TTC39B: variants seen among roughly 807,000 people sequenced by gnomAD.
The protein encoded by TTC39B is tetratricopeptide repeat domain 39B.
A neutral mutation model predicts 96.6 loss-of-function variants in TTC39B; 92 were observed. That is an observed-to-expected ratio of 0.95 (90% CI 0.80 to 1.13). The LOEUF is 1.13. Ranked by LOEUF, TTC39B falls within the 50% of genes most tolerant of loss-of-function variation. The pLI is 0.00. For synonymous variants in TTC39B, 367 were observed against 299.4 expected, an observed-to-expected ratio of 1.23 and a Z score of -2.33; for missense variants, 955 against 809.3, an observed-to-expected ratio of 1.18 and a Z score of -2.18.
chr9:15,180,836 C>T (rs1485858200), intron 17 of TTC39B, among the ~76,000 whole-genome samples: 1 of 152,148 alleles, frequency 6.6e-6, no homozygotes, highest in Non-Finnish European at 1.5e-5. Context: ...ATAAGTTTCA[C>T]ATGAAATATC....
At chr9:15,248,349 TTCTA>T (rs1269068330) in intron 2 of TTC39B, among the ~76,000 whole-genome samples, 1 of 152,194 alleles carries the variant, frequency 6.6e-6, no homozygotes, top group Non-Finnish European at 1.5e-5. Context: ...AGCTTAAGCA[TTCTA>T]GGGATCTGTA....
intron 6 of TTC39B, 22 bp downstream of exon 6, chr9:15,210,066 T>C (rs762927222): frequency 1.2e-5 from 18 of 1,539,826 alleles, no homozygotes; most frequent in South Asian, 8.3e-5. Flanking sequence ...AGGAAAAAAG[T>C]GATCTTTTAA....
At chr9:15,190,108 T>C (rs1039158879) in intron 11 of TTC39B, among the ~76,000 whole-genome samples, 6 of 151,190 alleles carry the variant, frequency 4.0e-5, no homozygotes, top group African/African-American at 1.5e-4. Flanking sequence ...AAAAATCTCA[T>C]ATATGATAAA....
chr9:15,272,448 G>C (rs936987368), intron 1 of TTC39B, among the ~76,000 whole-genome samples: 7 of 152,134 alleles, frequency 4.6e-5, no homozygotes, highest in African/African-American at 1.7e-4. Flanking sequence ...TAAGACAGGA[G>C]AGCTCACACT....
chr9:15,243,576 C>A (rs1822142666), intron 2 of TTC39B, among the ~76,000 whole-genome samples: 1 of 152,092 alleles, frequency 6.6e-6, no homozygotes, highest in African/African-American at 2.4e-5. Flanking sequence ...ACTCATAGTA[C>A]CTGGCTTTAA....
Position 15,172,090 on chromosome 9 carries a change from A to AGT in TTC39B, c.1976_1977dup (p.Ser660ThrfsTer48). ...CTGAAGTGTAGTCTGGACTCCAGGG[A>AGT]GTAATCTTTGTAGTTGTTCCTGAAG... is the stretch of plus-strand genomic sequence containing the variant. On this transcript the variant is annotated frameshift_variant, in exon 20 of 20. Transcript: ENST00000512701. LOFTEE classifies it high-confidence loss of function. The AGT allele has an allele frequency of 1.2e-6, 2 of 1,612,518 alleles. No homozygotes were observed. The highest frequency in any genetic ancestry group is 1.7e-6 in the Non-Finnish European group (2 of 1,178,938).
chr9:15,234,900 C>T (rs1472759108), intron 2 of TTC39B, among the ~76,000 whole-genome samples: 2 of 151,860 alleles, frequency 1.3e-5, no homozygotes, highest in Non-Finnish European at 2.9e-5. Context: ...TGCGGAAGGC[C>T]GCAGGGTCCT....
At chr9:15,222,517 T>G (rs903193029) in intron 3 of TTC39B, among the ~76,000 whole-genome samples, 13 of 152,200 alleles carry the variant, frequency 8.5e-5, no homozygotes, top group African/African-American at 3.1e-4. Flanking sequence ...CAAAAGCCCT[T>G]GGCCAACATT....
chr9:15,274,425 T>C (rs1324231975), intron 1 of TTC39B, among the ~76,000 whole-genome samples: 1 of 152,224 alleles, frequency 6.6e-6, no homozygotes, highest in Non-Finnish European at 1.5e-5. Context: ...TCATATTGCA[T>C]GAAAGAGCAT....
At chr9:15,180,705 T>C (rs1818205870) in intron 17 of TTC39B, among the ~76,000 whole-genome samples, 2 of 152,208 alleles carry the variant, frequency 1.3e-5, no homozygotes, top group African/African-American at 4.8e-5. Context: ...TTTCCAATTA[T>C]GGACTTTTTC....
chr9:15,233,508 G>A (rs1358231972), intron 2 of TTC39B, among the ~76,000 whole-genome samples: 1 of 149,522 alleles, frequency 6.7e-6, no homozygotes, highest in South Asian at 2.1e-4. Context: ...GGCGCACGCC[G>A]CCACGCCTGA....
chr9:15,235,396 G>A (rs1387388244), intron 2 of TTC39B, among the ~76,000 whole-genome samples: 3 of 152,184 alleles, frequency 2.0e-5, no homozygotes, highest in African/African-American at 7.2e-5. Flanking sequence ...TATATTTGAG[G>A]GAATAATTCA....
intron 3 of TTC39B, among the ~76,000 whole-genome samples, chr9:15,221,906 G>A (rs1333409874): frequency 6.6e-6 from 1 of 152,058 alleles, no homozygotes; most frequent in Non-Finnish European, 1.5e-5. Context: ...CTTTTACATT[G>A]CCCAATATGT....
intron 5 of TTC39B, among the ~76,000 whole-genome samples, chr9:15,210,514 G>A (rs534779010): frequency 3.9e-5 from 6 of 152,334 alleles, no homozygotes; most frequent in African/African-American, 1.2e-4. Context: ...GCAATATTTG[G>A]AAGCTCTCTT....
intron 2 of TTC39B, among the ~76,000 whole-genome samples, chr9:15,248,378 G>A (rs1185917128): frequency 6.6e-6 from 1 of 152,124 alleles, no homozygotes; most frequent in Non-Finnish European, 1.5e-5. Flanking sequence ...CAGATCTGGG[G>A]CAGAATTAGT....
intron 1 of TTC39B, among the ~76,000 whole-genome samples, chr9:15,292,593 A>G (rs901302557): frequency 8.5e-5 from 13 of 152,144 alleles, no homozygotes; most frequent in Admixed American, 5.2e-4. Flanking sequence ...ATTTCAGAAG[A>G]CGGCATTGTT....
At chr9:15,188,933 C>T (rs1304870025) in intron 13 of TTC39B, among the ~76,000 whole-genome samples, 1 of 151,864 alleles carries the variant, frequency 6.6e-6, no homozygotes, top group Admixed American at 6.6e-5. Context: ...GTCTATGGAC[C>T]ACTTTAATAG....
intron 16 of TTC39B, among the ~76,000 whole-genome samples, chr9:15,184,907 A>G (rs1321084046): frequency 6.6e-6 from 1 of 152,214 alleles, no homozygotes; most frequent in Non-Finnish European, 1.5e-5. Flanking sequence ...TAATGTGGCT[A>G]TTAGAAAAGG....
chr9:15,201,087 T>C (rs183415954), intron 7 of TTC39B, among the ~76,000 whole-genome samples: 191 of 152,328 alleles, frequency 1.3e-3, no homozygotes, highest in Non-Finnish European at 1.1e-3. Flanking sequence ...AAAGAAAAAC[T>C]GAATTTCATT....
Sources: gnomAD v4.1 joint callset for allele counts (sites outside exome capture counted in the v4.1 genomes callset) on GRCh38, gnomAD v4.1.1 for gene constraint, MANE v1.5 for transcripts, NCBI Gene and HGNC (gene_info 2026-07-23, HGNC 2026-07-21) for gene names.